Variants in STARD13 observed in about 807,000 individuals in gnomAD.
STARD13 encodes the protein StAR related lipid transfer domain containing 13.
In STARD13, 62 loss-of-function variants were observed where a neutral mutation model predicts 106.4. The ratio of observed to expected loss-of-function variants is 0.58; its 90% CI spans 0.48 to 0.72. STARD13 has a LOEUF of 0.72. STARD13 is among the 30% of genes least tolerant of loss of function. STARD13 has a pLI of 0.00. For synonymous variants in STARD13, 565 were observed against 553.0 expected (o/e 1.02, Z -0.31); for missense variants, 1,387 against 1,424.0 (o/e 0.97, Z 0.42).
At chr13:33,667,929 T>G in the STARD13 span, among the ~76,000 whole-genome samples, 1 of 152,262 alleles carries the variant, frequency 6.6e-6, no homozygotes, top group Non-Finnish European at 1.5e-5. Context: ...CACTTGTGCC[T>G]GTCACTGAGT....
chr13:33,516,614 T>C, the STARD13 span, among the ~76,000 whole-genome samples: 3 of 152,214 alleles, frequency 2.0e-5, no homozygotes, highest in Admixed American at 6.6e-5. Flanking sequence ...CAATAACAAA[T>C]GGCTTTGGTC....
At position 33,129,969 on chromosome 13, in the gene STARD13, G is replaced by A. The variant is rs759664096; in HGVS notation, c.708C>T (p.Pro236=). The A allele has an allele frequency of 1.9e-6, 3 of 1,613,236 alleles. No homozygotes were observed. Among genetic ancestry groups the A allele is most frequent in the South Asian group, 1.1e-5 (1 of 91,048 alleles). ...PLVSSSLPQP[P]RDVLNHPFHP... is the part of the protein sequence containing the mutation. ...GGAAGGGGTGGTTGAGGACATCTCTGGGGGGCTGTGGGAGGCTGCTGCTGA... is the reference window on the plus strand; with the variant it reads ...GGAAGGGGTGGTTGAGGACATCTCTAGGGGGCTGTGGGAGGCTGCTGCTGA... Residue 236 remains proline (P), a synonymous_variant, in exon 5 of 14, where the codon CCC becomes CCT. Coordinates refer to ENST00000336934, the MANE Select transcript of STARD13 (RefSeq NM_178006.4).
At chr13:33,127,301 C>A in intron 6 of STARD13, 72 bp downstream of exon 6, 1 of 1,454,158 alleles carries the variant, frequency 6.9e-7, no homozygotes, top group South Asian at 1.4e-5. Flanking sequence ...ACAAAGTAAA[C>A]ATGGAAGCTT....
At chr13:33,420,067 T>A in the STARD13 span, among the ~76,000 whole-genome samples, 2,214 of 152,096 alleles carry the variant, frequency 0.015, 51 homozygotes, top group African/African-American at 0.051. Context: ...AAAATAACCA[T>A]CTAACATCAT....
the STARD13 span, among the ~76,000 whole-genome samples, chr13:33,571,589 C>T: frequency 6.6e-6 from 1 of 152,134 alleles, no homozygotes; most frequent in Admixed American, 6.5e-5. Context: ...CCCATCATTG[C>T]CTTGCCAGCA....
chr13:33,512,126 G>A, the STARD13 span, among the ~76,000 whole-genome samples: 1 of 152,138 alleles, frequency 6.6e-6, no homozygotes. Context: ...TGGGTGGCAT[G>A]TCCCTTAAGA....
the STARD13 span, among the ~76,000 whole-genome samples, chr13:33,532,470 C>CT: frequency 6.6e-6 from 1 of 152,052 alleles, no homozygotes. Flanking sequence ...AACTTCTAAT[C>CT]TTTTTTATTT....
Position 33,166,065 on chromosome 13 carries a change from G to C in STARD13, c.242-647C>G, listed in dbSNP as rs573231997. ...TAGCAATCTGCAGCTCATTGGAATAGAGGACATAGCCAAATGTAACCATGC... is the reference window on the plus strand; with the variant it reads ...TAGCAATCTGCAGCTCATTGGAATACAGGACATAGCCAAATGTAACCATGC... On this transcript the variant is annotated intron_variant, in intron 2 of 13. Coordinates refer to ENST00000336934, the MANE Select transcript of STARD13 (RefSeq NM_178006.4). Among the ~76,000 whole-genome samples the C allele has an allele frequency of 2.6e-5, 4 of 152,294 alleles. No individual in the cohort carries two copies. The East Asian group carries it at 7.7e-4, about 29-fold the overall frequency.
At chr13:33,253,693 C>A (rs142211651) in intron 1 of STARD13, among the ~76,000 whole-genome samples, 47 of 152,226 alleles carry the variant, frequency 3.1e-4, no homozygotes, top group Middle Eastern at 3.4e-3. Context: ...GCCCCCGAGA[C>A]CACGGTGACC....
chr13:33,260,822 A>G (rs1890603179), intron 1 of STARD13, among the ~76,000 whole-genome samples: 1 of 152,208 alleles, frequency 6.6e-6, no homozygotes, highest in Admixed American at 6.5e-5. Context: ...TTTTCCCTTG[A>G]AAACGTAAGT....
intron 1 of STARD13, among the ~76,000 whole-genome samples, chr13:33,178,590 G>T (rs1441491078): frequency 6.6e-6 from 1 of 152,120 alleles, no homozygotes; most frequent in Non-Finnish European, 1.5e-5. Context: ...ATGCTACAGG[G>T]ATATCTTAAA....
chr13:33,475,218 C>G, the STARD13 span, among the ~76,000 whole-genome samples: 1 of 152,040 alleles, frequency 6.6e-6, no homozygotes, highest in Non-Finnish European at 1.5e-5. Context: ...TCAGGATTTT[C>G]TTGCTTCCCA....
At chr13:33,652,231 A>G in the STARD13 span, among the ~76,000 whole-genome samples, 1 of 152,262 alleles carries the variant, frequency 6.6e-6, no homozygotes, top group African/African-American at 2.4e-5. Context: ...TGACATTTGT[A>G]CAGATATTCT....
At chr13:33,499,898 G>T in the STARD13 span, among the ~76,000 whole-genome samples, 99 of 151,254 alleles carry the variant, frequency 6.5e-4, no homozygotes, top group Middle Eastern at 3.4e-3. Context: ...CCAAGTAGCT[G>T]GGACTATAGG....
intron 7 of STARD13, among the ~76,000 whole-genome samples, chr13:33,121,295 A>G (rs1324424695): frequency 6.6e-6 from 1 of 152,064 alleles, no homozygotes; most frequent in Non-Finnish European, 1.5e-5. Context: ...GGCCGAGCAC[A>G]GTGGCTCACA....
At chr13:33,441,984 A>T in the STARD13 span, among the ~76,000 whole-genome samples, 1 of 152,360 alleles carries the variant, frequency 6.6e-6, no homozygotes, top group East Asian at 1.9e-4. Context: ...AGGAGAAAAG[A>T]TCCCTCCATA....
the STARD13 span, among the ~76,000 whole-genome samples, chr13:33,454,876 G>T: frequency 1.3e-5 from 2 of 152,174 alleles, no homozygotes; most frequent in Non-Finnish European, 2.9e-5. Flanking sequence ...GAGTAGAAGA[G>T]GCAAGGAAAT....
At chr13:33,320,999 A>G (rs1893539613) in intron 1 of STARD13, among the ~76,000 whole-genome samples, 1 of 152,226 alleles carries the variant, frequency 6.6e-6, no homozygotes, top group Non-Finnish European at 1.5e-5. Context: ...TTCAGAGACT[A>G]TTATAAGTCA....
rs138268377 is a variant in STARD13 at position 33,125,606 on chromosome 13, T to G, written c.2082+475A>C. Among the ~76,000 whole-genome samples the G allele has an allele frequency of 2.7e-3, 413 of 151,896 alleles. 2 individuals are homozygous for G. Among genetic ancestry groups the G allele is most frequent in the African/African-American group, 9.4e-3 (388 of 41,436 alleles). On this transcript the variant is annotated intron_variant, in intron 7 of 13. Coordinates refer to ENST00000336934, the MANE Select transcript of STARD13 (RefSeq NM_178006.4). ...CTTGCACATTTTTAAAAGATGTAAA[T>G]AAATCTGTGTTTGGTTTAAGTTTTC...
Sources: gnomAD v4.1 joint callset for allele counts (sites outside exome capture counted in the v4.1 genomes callset) on GRCh38, gnomAD v4.1.1 for gene constraint, MANE v1.5 for transcripts, NCBI Gene and HGNC (gene_info 2026-07-23, HGNC 2026-07-21) for gene names.